Variants in MTMR14 observed in about 807,000 individuals in gnomAD.
MTMR14 encodes myotubularin related protein 14.
Under a neutral mutation model 86.3 loss-of-function variants are expected in MTMR14, and 48 were observed. The observed-to-expected ratio is 0.56, with a 90% CI of 0.44 to 0.71. The LOEUF is 0.71. Among genes scored for constraint, MTMR14 ranks in the 30% least tolerant of loss-of-function variants. The pLI is 0.00. For synonymous variants in MTMR14, 366 were observed against 326.1 expected, an observed-to-expected ratio of 1.12 and a Z score of -1.32; for missense variants, 780 against 834.6, an observed-to-expected ratio of 0.93 and a Z score of 0.81.
intron 9 of MTMR14, among the ~76,000 whole-genome samples, chr3:9,682,880 G>T (rs963838492): frequency 1.3e-5 from 2 of 151,950 alleles, no homozygotes; most frequent in African/African-American, 4.8e-5. Flanking sequence ...GGGGCTCTGG[G>T]TCACCCTGGC....
intron 16 of MTMR14, 123 bp downstream of exon 16, chr3:9,689,205 T>C: frequency 3.5e-6 from 5 of 1,414,336 alleles, no homozygotes; most frequent in Non-Finnish European, 2.9e-6. Context: ...AGAGGATAGC[T>C]CCGTGCTCCT....
At chr3:9,699,422 G>A (rs1406885905) in intron 18 of MTMR14, 5 of 152,264 alleles carry the variant, frequency 3.3e-5, no homozygotes, top group African/African-American at 9.6e-5. Context: ...AGGAGGGCTG[G>A]ATTCCGTATG....
At chr3:9,667,744 G>C (rs969307579) in intron 3 of MTMR14, among the ~76,000 whole-genome samples, 5 of 152,140 alleles carry the variant, frequency 3.3e-5, no homozygotes, top group Non-Finnish European at 7.3e-5. Flanking sequence ...TGACCTAGTC[G>C]TTCCCACGCA....
At chr3:9,671,296 C>T (rs2125132497) in intron 6 of MTMR14, 126 bp downstream of exon 6, 1 of 1,337,738 alleles carries the variant, frequency 7.5e-7, no homozygotes, top group East Asian at 2.4e-5. Context: ...CATTATCTCA[C>T]TGTATCTTCA....
intron 1 of MTMR14, among the ~76,000 whole-genome samples, chr3:9,650,173 C>T (rs1023602531): frequency 7.2e-5 from 11 of 152,092 alleles, no homozygotes; most frequent in Non-Finnish European, 1.3e-4. Context: ...GGAGGTGAAC[C>T]CAGTGTGCTG....
chr3:9,682,941 C>G (rs925814371), intron 9 of MTMR14, among the ~76,000 whole-genome samples: 5 of 151,628 alleles, frequency 3.3e-5, no homozygotes, highest in Non-Finnish European at 5.9e-5. Context: ...GAGCCCCCCC[C>G]CCGCCCCCGC....
chr3:9,669,767 C>T (rs1007860028), intron 5 of MTMR14, among the ~76,000 whole-genome samples: 2 of 152,124 alleles, frequency 1.3e-5, no homozygotes, highest in Non-Finnish European at 1.5e-5. Flanking sequence ...ACTGCAGGCC[C>T]GAGATAGGGC....
In MTMR14 at chr3:9,669,434, G is replaced by A. The variant is rs777405290; in HGVS notation, c.496G>A (p.Gly166Ser). 2 of 1,613,900 alleles carry A rather than the reference G, an allele frequency of 1.2e-6. No homozygotes were observed. Among genetic ancestry groups the A allele is most frequent in the Non-Finnish European group, 1.7e-6 (2 of 1,179,938 alleles). Residue 166 changes from glycine (G) to serine (S), a missense_variant and splice_region_variant, in exon 5 of 19, where the codon GGT becomes AGT. Coordinates refer to ENST00000296003, the MANE Select transcript of MTMR14 (RefSeq NM_001077525.3). ...TGACAGATAGGTTTCTCTGGCAGGG[G>A]GTGCAGATGATGCCTGGGCAGATGT... ...RSGYNYFFSG[G>S]ADDAWADVED...
intron 13 of MTMR14, among the ~76,000 whole-genome samples, chr3:9,686,178 C>T (rs1559603968): frequency 6.6e-6 from 1 of 152,222 alleles, no homozygotes; most frequent in African/African-American, 2.4e-5. Flanking sequence ...ACACTTATCG[C>T]GTCTGCCAGG....
intron 2 of MTMR14, among the ~76,000 whole-genome samples, chr3:9,657,443 A>C (rs914438840): frequency 1.3e-5 from 2 of 152,094 alleles, no homozygotes; most frequent in African/African-American, 4.8e-5. Context: ...CCTTAAAGAG[A>C]CTGAAACTAG....
intron 1 of MTMR14, among the ~76,000 whole-genome samples, chr3:9,651,559 T>A (rs1281568619): frequency 6.6e-6 from 1 of 152,170 alleles, no homozygotes; most frequent in Non-Finnish European, 1.5e-5. Flanking sequence ...CCTGCAAACT[T>A]AGATGTATAT....
rs145140996 is a variant in MTMR14, at chr3:9,674,578, A to C, written c.751+1820A>C. The stretch of plus-strand genomic sequence containing the variant: ...CTAGGCAGTAAGATTGCTTGAGCCC[A>C]GGAGTTCAAGACCAGCCTGGGAAAC... On this transcript the variant is annotated intron_variant, in intron 7 of 18. Transcript: ENST00000296003. 9.9e-4 allele frequency among the ~76,000 whole-genome samples: 151 copies of C among 152,216 alleles called. 1 individual carries two copies. Among genetic ancestry groups the C allele is most frequent in the South Asian group, 1.2e-3 (6 of 4,818 alleles).
Position 9,652,281 on chromosome 3 carries a change from T to C in MTMR14, c.160-1340T>C, listed in dbSNP as rs150747855. 3.0e-4 allele frequency among the ~76,000 whole-genome samples: 46 copies of C among 152,356 alleles called. 1 individual carries two copies. In the East Asian group the frequency reaches 7.5e-3, roughly 25 times the overall value. ...CATGCCTGGCCCTCTTGCAAACTTCTTGATGTTACAGTTCTTATGCCTTTT... is the reference window on the plus strand; with the variant it reads ...CATGCCTGGCCCTCTTGCAAACTTCCTGATGTTACAGTTCTTATGCCTTTT... On this transcript the variant is annotated intron_variant, in intron 1 of 18. Transcript: ENST00000296003.
At position 9,677,866 on chromosome 3, in the gene MTMR14, GC is replaced by G. The variant is rs1003956351; in HGVS notation, c.823-115del. 1.2e-6 allele frequency: 1 copy of G among 826,238 alleles called. No homozygotes were observed. Among genetic ancestry groups the G allele is most frequent in the Non-Finnish European group, 2.0e-6 (1 of 502,794 alleles). 51.2% of individuals were successfully genotyped at this position (826,238 alleles called of 1,614,324 possible). On this transcript the variant is annotated intron_variant, in intron 8 of 18. Transcript: ENST00000296003. The surrounding 1 kb of genome is among the most constrained non-coding windows in gnomAD (Gnocchi z 4.2). Reference sequence around the variant, plus strand: ...CACTCCCAGGTAGCACAGGTATCTGGCCCAGAGAAGGCAAGCACTGCCTGTG... The same window carrying G: ...CACTCCCAGGTAGCACAGGTATCTGGCCAGAGAAGGCAAGCACTGCCTGTG...
chr3:9,694,561 T>C (rs1224588758), intron 17 of MTMR14, among the ~76,000 whole-genome samples: 2 of 152,112 alleles, frequency 1.3e-5, no homozygotes, highest in Non-Finnish European at 2.9e-5. Context: ...CTGGGATGGA[T>C]GGAGTAAATA....
At chr3:9,651,093 T>A (rs564070396) in intron 1 of MTMR14, among the ~76,000 whole-genome samples, 1 of 148,840 alleles carries the variant, frequency 6.7e-6, no homozygotes, top group South Asian at 2.1e-4. Flanking sequence ...CTGGCTTTTT[T>A]GTTTGTTTGT....
chr3:9,691,548 G>A (rs2076140417), intron 17 of MTMR14, among the ~76,000 whole-genome samples: 1 of 152,076 alleles, frequency 6.6e-6, no homozygotes, highest in Non-Finnish European at 1.5e-5. Flanking sequence ...TTGTCCTCTG[G>A]GTCCTGCCTC....
chr3:9,656,047 T>A (rs1326510588), intron 2 of MTMR14, among the ~76,000 whole-genome samples: 1 of 151,896 alleles, frequency 6.6e-6, no homozygotes, highest in African/African-American at 2.4e-5. Flanking sequence ...ATACAAAAAT[T>A]AGCTGGGTGT....
At chr3:9,656,646 T>C (rs1340988876) in intron 2 of MTMR14, among the ~76,000 whole-genome samples, 1 of 152,168 alleles carries the variant, frequency 6.6e-6, no homozygotes, top group Non-Finnish European at 1.5e-5. Flanking sequence ...TCTCAACTCC[T>C]GGGCTCAAAC....
Sources: gnomAD v4.1 joint callset for allele counts (sites outside exome capture counted in the v4.1 genomes callset) on GRCh38, gnomAD v4.1.1 for gene constraint, Gnocchi (gnomAD v3.1) non-coding constraint, MANE v1.5 for transcripts, NCBI Gene and HGNC (gene_info 2026-07-23, HGNC 2026-07-21) for gene names.